Variants in TMEM175 observed in about 807,000 individuals in gnomAD.
The protein encoded by TMEM175 is endosomal/lysosomal proton channel TMEM175.
In TMEM175, 36 loss-of-function variants were observed where a neutral mutation model predicts 36.5. The ratio of observed to expected loss-of-function variants is 0.99; its 90% CI spans 0.76 to 1.30. TMEM175 has a LOEUF of 1.30. Among genes scored for constraint, TMEM175 ranks in the 50% most tolerant of loss-of-function variants. TMEM175 has a pLI of 0.00. For synonymous variants in TMEM175, 339 were observed against 313.4 expected, an observed-to-expected ratio of 1.08 and a Z score of -0.86; for missense variants, 705 against 692.8, an observed-to-expected ratio of 1.02 and a Z score of -0.20.
In TMEM175 at chr4:951,731, G is replaced by C. The variant is rs756615089; in HGVS notation, c.378+14G>C. ...CTGCCTTACACGGTGAGCAACACCA[G>C]GCCCCTGACACCCTGAGGCTTTGCT... On this transcript the variant is annotated intron_variant, in intron 6 of 10. Transcript: ENST00000264771. The C allele has an allele frequency of 6.2e-7, 1 of 1,614,024 alleles. No individual in the cohort carries two copies.
At chr4:957,595 G>A (rs1420315756) in intron 10 of TMEM175, among the ~76,000 whole-genome samples, 4 of 152,266 alleles carry the variant, frequency 2.6e-5, no homozygotes, top group Non-Finnish European at 5.9e-5. Context: ...CATTAGCACA[G>A]AGCAGAAGGG....
At chr4:953,497 A>G (rs1729228287) in intron 8 of TMEM175, 143 bp downstream of exon 8, 1 of 1,046,834 alleles carries the variant, frequency 9.6e-7, no homozygotes, top group African/African-American at 1.6e-5. Context: ...TGTGAGGCCC[A>G]GGGCTGCAGT....
rs1159907833 is a variant in TMEM175 at position 955,429 on chromosome 4, A to C, written c.652A>C (p.Ile218Leu). The C allele has an allele frequency of 1.2e-6, 2 of 1,614,132 alleles. No individual in the cohort carries two copies. Among genetic ancestry groups the C allele is most frequent in the Admixed American group, 1.7e-5 (1 of 60,024 alleles). ...GTCTTACCTGCTGATGGTGACTGTC[A>C]TCCTCCTCCCCTATGTCAGCAAGGT... ...PLSYLLMVTV[I>L]LLPYVSKVTG... Residue 218 changes from isoleucine (I) to leucine (L), a missense_variant, in exon 9 of 11, where the codon ATC becomes CTC. Physicochemically the swap from Ile to Leu is conservative, Grantham distance 5 (BLOSUM62 2). Transcript: ENST00000264771.
chr4:957,324 G>C (rs1375392472), intron 10 of TMEM175, among the ~76,000 whole-genome samples: 2 of 152,222 alleles, frequency 1.3e-5, no homozygotes, highest in South Asian at 4.1e-4. Context: ...GCCCTGACAA[G>C]GGGGTTCCCA....
At chr4:941,752 A>G (rs1256891771) in intron 1 of TMEM175, among the ~76,000 whole-genome samples, 2 of 151,930 alleles carry the variant, frequency 1.3e-5, no homozygotes, top group South Asian at 2.1e-4. Context: ...AAGTTTTTCT[A>G]TAAACCTAAA....
At chr4:943,788 G>T (rs1336205919) in intron 1 of TMEM175, among the ~76,000 whole-genome samples, 2 of 152,142 alleles carry the variant, frequency 1.3e-5, no homozygotes, top group Non-Finnish European at 2.9e-5. Context: ...TATATATAGT[G>T]GCTTTATTCA....
chr4:936,934 C>T (rs1188875585), intron 1 of TMEM175, among the ~76,000 whole-genome samples: 5 of 151,356 alleles, frequency 3.3e-5, no homozygotes, highest in East Asian at 3.9e-4. Flanking sequence ...TCCAGTCTAG[C>T]GACACAGTAG....
chr4:940,130 A>T (rs1393199571), intron 1 of TMEM175, among the ~76,000 whole-genome samples: 1 of 152,184 alleles, frequency 6.6e-6, no homozygotes, highest in Admixed American at 6.5e-5. Flanking sequence ...AACATTCTGG[A>T]AAAGGCAAAA....
chr4:958,554 T>G lies in TMEM175; in HGVS notation c.*58T>G. 1 of 1,398,846 alleles carries G rather than the reference T, an allele frequency of 7.1e-7. No homozygotes were observed. The highest frequency in any genetic ancestry group is 9.4e-7 in the Non-Finnish European group (1 of 1,062,842). 86.7% of individuals were successfully genotyped at this position (1,398,846 alleles called of 1,614,324 possible). On this transcript the variant is annotated 3_prime_UTR_variant, in exon 11 of 11. Coordinates refer to ENST00000264771, the MANE Select transcript of TMEM175 (RefSeq NM_032326.4). ...CAGAGATGGACCAGGGAGGACAGGA[T>G]GCTGGGCAGGGGAAGCCAAGTCACG...
At chr4:952,834 C>A (rs544288091) in intron 7 of TMEM175, among the ~76,000 whole-genome samples, 1 of 151,708 alleles carries the variant, frequency 6.6e-6, no homozygotes, top group African/African-American at 2.4e-5. Flanking sequence ...AGGTAGGGTT[C>A]CTGAGGCCAC....
intron 5 of TMEM175, 109 bp downstream of exon 5, chr4:951,367 C>T (rs1419718436): frequency 1.6e-5 from 21 of 1,275,314 alleles, no homozygotes; most frequent in South Asian, 4.8e-5. Context: ...CAGGGAGTCT[C>T]GGAGCCTGGA....
intron 10 of TMEM175, chr4:956,390 G>A (rs756316895): frequency 6.4e-5 from 83 of 1,289,414 alleles, no homozygotes; most frequent in South Asian, 8.6e-5. Context: ...CTGCCTCTTC[G>A]TCTGTTAGAG....
Position 955,391 on chromosome 4 carries a change from T to G in TMEM175, c.628-14T>G, listed in dbSNP as rs755738734. The G allele has an allele frequency of 1.9e-6, 3 of 1,612,862 alleles. No homozygotes were observed. The highest frequency in any genetic ancestry group is 1.7e-6 in the Non-Finnish European group (2 of 1,178,914). On this transcript the variant is annotated splice_polypyrimidine_tract_variant and intron_variant, in intron 8 of 10. Coordinates refer to ENST00000264771, the MANE Select transcript of TMEM175 (RefSeq NM_032326.4). ...CCTGTGGAGGGCACTGACCTGCGGTTTGTCTCCCTGCAGTCTTACCTGCTG... is the reference window on the plus strand; with the variant it reads ...CCTGTGGAGGGCACTGACCTGCGGTGTGTCTCCCTGCAGTCTTACCTGCTG...
chr4:951,595 C>G, intron 5 of TMEM175, 87 bp from the exon 6 acceptor site: 1 of 1,571,230 alleles, frequency 6.4e-7, no homozygotes, highest in Non-Finnish European at 8.7e-7. Context: ...AGGGCCCAGC[C>G]CTGTGCCTTC....
At position 932,478 on chromosome 4, in the gene TMEM175, C is replaced by T. The variant is rs528011936; in HGVS notation, c.-94C>T. 61 of 489,628 alleles carry T rather than the reference C, an allele frequency of 1.2e-4. No individual in the cohort carries two copies. In the Admixed American group the frequency reaches 1.3e-3, roughly 10 times the overall value. 30.3% of individuals were successfully genotyped at this position (489,628 alleles called of 1,614,324 possible). On this transcript the variant is annotated 5_prime_UTR_variant, in exon 1 of 11. Transcript: ENST00000264771. This position sits in a 1 kb window ranked among gnomAD's most constrained non-coding sequence, Gnocchi z 4.0. ...TTGCGATGAACTTCCGGCTGTCAAG[C>T]TCCCGGCCGGGCTGACTCAAGCGGA...
chr4:936,681 C>G (rs1296102896), intron 1 of TMEM175, among the ~76,000 whole-genome samples: 1 of 152,190 alleles, frequency 6.6e-6, no homozygotes, highest in African/African-American at 2.4e-5. Context: ...TTGGGCCCGG[C>G]GCGGTGGCTC....
rs775776856 is a variant in TMEM175 at position 958,534 on chromosome 4, A to G, written c.*38A>G. The G allele has an allele frequency of 3.5e-6, 5 of 1,446,234 alleles. No individual in the cohort carries two copies. The South Asian group carries it at 7.0e-5, about 20-fold the overall frequency. The allele number at this position is 1,446,234 out of a possible 1,614,324, so 89.6% of individuals were successfully genotyped here. A position where few individuals can be genotyped will look rare whatever the true frequency, so the allele number is the denominator to read the frequency against. On this transcript the variant is annotated 3_prime_UTR_variant, in exon 11 of 11. Coordinates refer to ENST00000264771, the MANE Select transcript of TMEM175 (RefSeq NM_032326.4). Reference sequence around the variant, plus strand: ...CCACTCCCAGCCGTCCTCACCAGAGATGGACCAGGGAGGACAGGATGCTGG... The same window carrying G: ...CCACTCCCAGCCGTCCTCACCAGAGGTGGACCAGGGAGGACAGGATGCTGG...
intron 5 of TMEM175, among the ~76,000 whole-genome samples, chr4:951,470 G>A (rs1404555749): frequency 1.3e-5 from 2 of 152,210 alleles, no homozygotes; most frequent in Non-Finnish European, 1.5e-5. Context: ...GGGTGTGGGG[G>A]ACCAGGGGCA....
Position 955,480 on chromosome 4 carries a change from C to A in TMEM175, c.703C>A (p.Leu235Met). The change falls in exon 9 of 11, where the codon CTG becomes ATG. Residue 235 changes from leucine (L) to methionine (M), a missense_variant. Leu to Met is a conservative substitution (Grantham distance 15). Coordinates refer to ENST00000264771, the MANE Select transcript of TMEM175 (RefSeq NM_032326.4). Reference protein sequence around the residue: ...KVTGWCRDRLLGHREPSAHPV... With the variant: ...KVTGWCRDRLMGHREPSAHPV... The stretch of plus-strand genomic sequence containing the variant: ...CACCGGCTGGTGCAGAGACAGGCTC[C>A]TGGGTAGGTGATGACTGGGTGGGCT... The A allele has an allele frequency of 6.2e-7, 1 of 1,613,938 alleles. No individual in the cohort carries two copies. The highest frequency in any genetic ancestry group is 1.7e-5 in the Admixed American group (1 of 60,016).
Sources: allele counts gnomAD v4.1 joint callset (sites outside exome capture counted in the v4.1 genomes callset), GRCh38; gene constraint gnomAD v4.1.1; non-coding constraint Gnocchi (gnomAD v3.1); transcripts MANE v1.5; gene names NCBI Gene and HGNC (gene_info 2026-07-23, HGNC 2026-07-21).